GPC4: variants seen among roughly 807,000 people sequenced by gnomAD.
The protein encoded by GPC4 is glypican-4.
A neutral mutation model predicts 35.0 loss-of-function variants in GPC4; 10 were observed. That is an observed-to-expected ratio of 0.29 (90% CI 0.18 to 0.48). GPC4 has a LOEUF of 0.48. GPC4 is among the 20% of genes least tolerant of loss of function. The pLI is 0.99. For missense variants in GPC4, 322 were observed against 451.3 expected (o/e 0.71, Z 2.60); for synonymous variants, 167 against 170.2 (o/e 0.98, Z 0.15).
Position 133,415,091 on chromosome X carries a change from T to C in GPC4, c.-126A>G, listed in dbSNP as rs1603104326. The C allele has an allele frequency of 1.5e-6, 1 of 686,253 alleles. No individual in the cohort carries two copies. Among genetic ancestry groups the C allele is most frequent in the Non-Finnish European group, 2.1e-6 (1 of 474,556 alleles). 56.6% of individuals were successfully genotyped at this position (686,253 alleles called of 1,213,427 possible). ...GAGCTGGAGGGAGAAGGAGTTGGAG[T>C]TGGTGGAAGAGGCGAGCAGGCGGAG... On this transcript the variant is annotated 5_prime_UTR_variant, in exon 1 of 9. Coordinates refer to ENST00000370828, the MANE Select transcript of GPC4 (RefSeq NM_001448.3).
At chrX:133,383,811 C>T (rs928709609) in intron 1 of GPC4, among the ~76,000 whole-genome samples, 2 of 111,752 alleles carry the variant, frequency 1.8e-5, no homozygotes, top group Non-Finnish European at 3.8e-5. Flanking sequence ...CACACCACTG[C>T]ACTCCAGCCT....
intron 4 of GPC4, among the ~76,000 whole-genome samples, chrX:133,306,439 G>C (rs1019462265): frequency 9.0e-6 from 1 of 111,242 alleles, no homozygotes; most frequent in Non-Finnish European, 1.9e-5. Context: ...CTGATTATTC[G>C]TGTGTCAGCC....
chrX:133,358,328 T>A (rs2068551303), intron 1 of GPC4, among the ~76,000 whole-genome samples: 1 of 112,437 alleles, frequency 8.9e-6, no homozygotes, highest in South Asian at 3.7e-4. Context: ...ATGATTCATT[T>A]GCATCCTAGA....
At chrX:133,367,451 C>T (rs1435329848) in intron 1 of GPC4, among the ~76,000 whole-genome samples, 1 of 112,543 alleles carries the variant, frequency 8.9e-6, no homozygotes, top group Non-Finnish European at 1.9e-5. Context: ...CTAAGCAAAA[C>T]TATTTTAAAT....
At chrX:133,353,986 G>A (rs2124145611) in intron 1 of GPC4, among the ~76,000 whole-genome samples, 1 of 111,942 alleles carries the variant, frequency 8.9e-6, no homozygotes, top group Non-Finnish European at 1.9e-5. Flanking sequence ...TGATGTGATA[G>A]CAAAAATTAT....
At chrX:133,398,709 A>C (rs1265767178) in intron 1 of GPC4, among the ~76,000 whole-genome samples, 1 of 109,035 alleles carries the variant, frequency 9.2e-6, no homozygotes, top group African/African-American at 3.3e-5. Context: ...TGGAAGTTGC[A>C]GTGAGACAAG....
At chrX:133,407,089 T>TACAC (rs35930080) in intron 1 of GPC4, among the ~76,000 whole-genome samples, 5 of 97,295 alleles carry the variant, frequency 5.1e-5, no homozygotes, top group African/African-American at 1.2e-4. Context: ...AAAAAAAAAA[T>TACAC]ACACACACAC....
chrX:133,389,222 C>A (rs1293719512), intron 1 of GPC4, among the ~76,000 whole-genome samples: 1 of 110,319 alleles, frequency 9.1e-6, no homozygotes, highest in East Asian at 2.9e-4. Context: ...GCCTTCCAAA[C>A]TGCTGGGATT....
intron 1 of GPC4, among the ~76,000 whole-genome samples, chrX:133,356,551 TCTTA>T (rs756221418): frequency 3.6e-4 from 40 of 111,263 alleles, no homozygotes; most frequent in African/African-American, 1.0e-3. Flanking sequence ...GGCAGTGAAT[TCTTA>T]CTTAGTTCCT....
intron 1 of GPC4, among the ~76,000 whole-genome samples, chrX:133,399,970 C>A (rs867077995): frequency 3.6e-5 from 4 of 111,549 alleles, no homozygotes; most frequent in Admixed American, 9.5e-5. Context: ...CCAGCCTGGG[C>A]GACAGAGCAA....
intron 1 of GPC4, among the ~76,000 whole-genome samples, chrX:133,356,058 G>GT (rs1362100474): frequency 1.8e-5 from 2 of 111,304 alleles, no homozygotes; most frequent in Non-Finnish European, 3.8e-5. Context: ...CAAAAATGGC[G>GT]TAACAGTCAG....
intron 1 of GPC4, among the ~76,000 whole-genome samples, chrX:133,355,797 C>A (rs1338347909): frequency 9.0e-6 from 1 of 110,953 alleles, no homozygotes; most frequent in Non-Finnish European, 1.9e-5. Context: ...AAAGTGAGTT[C>A]TTGCTCTGAG....
At chrX:133,408,134 T>C (rs2068797639) in intron 1 of GPC4, among the ~76,000 whole-genome samples, 1 of 112,876 alleles carries the variant, frequency 8.9e-6, no homozygotes, top group African/African-American at 3.2e-5. Context: ...TCATGCATTT[T>C]CTGCACTTTC....
At chrX:133,324,731 T>C (rs1262619367) in intron 2 of GPC4, among the ~76,000 whole-genome samples, 195 bp from the exon 3 acceptor site, 1 of 111,352 alleles carries the variant, frequency 9.0e-6, no homozygotes, top group Non-Finnish European at 1.9e-5. Context: ...GAAAGCTGTG[T>C]CACAAAGTCA....
At chrX:133,374,570 A>C (rs1382939475) in intron 1 of GPC4, among the ~76,000 whole-genome samples, 1 of 111,619 alleles carries the variant, frequency 9.0e-6, no homozygotes, top group Non-Finnish European at 1.9e-5. Flanking sequence ...AGGAAACAAG[A>C]CCTCGTGAGT....
chrX:133,333,858 A>C (rs1374150273), intron 2 of GPC4, among the ~76,000 whole-genome samples: 1 of 112,731 alleles, frequency 8.9e-6, no homozygotes, highest in African/African-American at 3.2e-5. Flanking sequence ...GTGAGGATTA[A>C]AAACCAATCA....
At chrX:133,344,829 G>A in intron 1 of GPC4, among the ~76,000 whole-genome samples, 1 of 112,272 alleles carries the variant, frequency 8.9e-6, no homozygotes, top group Non-Finnish European at 1.9e-5. Context: ...GGATTTTTAA[G>A]GCAGACACTC....
intron 1 of GPC4, among the ~76,000 whole-genome samples, chrX:133,361,779 T>C (rs2068569543): frequency 8.9e-6 from 1 of 111,865 alleles, no homozygotes; most frequent in Non-Finnish European, 1.9e-5. Flanking sequence ...AATTGTATCG[T>C]TCATTTTCCT....
rs761789219 is a variant in GPC4 at position 133,397,757 on chromosome X, C to T, written c.160+17049G>A. 3.6e-5 allele frequency among the ~76,000 whole-genome samples: 4 copies of T among 111,188 alleles called. No individual in the cohort carries two copies. In the East Asian group the frequency reaches 1.1e-3, roughly 32 times the overall value. ...TTATATTCTTAATCAGAAAACTTAC[C>T]CTTATAATAATAGTAGGCTGAGGCT... On this transcript the variant is annotated intron_variant, in intron 1 of 8. Transcript: ENST00000370828.
Sources: allele counts gnomAD v4.1 joint callset (sites outside exome capture counted in the v4.1 genomes callset), GRCh38; gene constraint gnomAD v4.1.1; transcripts MANE v1.5; gene names NCBI Gene and HGNC (gene_info 2026-07-23, HGNC 2026-07-21).